Variants in KIAA1328 observed in about 807,000 individuals in gnomAD.
The protein encoded by KIAA1328 is KIAA1328.
A neutral mutation model predicts 68.1 loss-of-function variants in KIAA1328; 52 were observed. The observed-to-expected ratio is 0.76, with a 90% CI of 0.61 to 0.96. The LOEUF is 0.96. Ranked by LOEUF, KIAA1328 falls within the 40% of genes least tolerant of loss-of-function variation. The pLI is 0.00. For synonymous variants in KIAA1328, 232 were observed against 239.4 expected, an observed-to-expected ratio of 0.97 and a Z score of 0.28; for missense variants, 641 against 677.6, an observed-to-expected ratio of 0.95 and a Z score of 0.60.
At chr18:37,192,145 T>TTGTGTG (rs10667132) in intron 9 of KIAA1328, among the ~76,000 whole-genome samples, 17,721 of 144,554 alleles carry the variant, frequency 0.12, 1,074 homozygotes, top group African/African-American at 0.13. Context: ...AGTCAAGAAA[T>TTGTGTG]TGTGTGTGTG....
chr18:37,194,058 C>T (rs1432554896), intron 9 of KIAA1328, among the ~76,000 whole-genome samples: 1 of 152,166 alleles, frequency 6.6e-6, no homozygotes, highest in Admixed American at 6.5e-5. Flanking sequence ...TTTGTGATTG[C>T]AAACACTGCT....
At chr18:36,845,462 T>C (rs2046996165) in intron 4 of KIAA1328, among the ~76,000 whole-genome samples, 1 of 151,890 alleles carries the variant, frequency 6.6e-6, no homozygotes, top group East Asian at 1.9e-4. Flanking sequence ...TTAATGGTCC[T>C]ACGTTGCCAT....
At chr18:37,104,896 C>T (rs2057726963) in intron 7 of KIAA1328, among the ~76,000 whole-genome samples, 1 of 152,060 alleles carries the variant, frequency 6.6e-6, no homozygotes, top group Non-Finnish European at 1.5e-5. Flanking sequence ...TTACTAGAGC[C>T]ATTTTGGAGA....
chr18:37,109,751 G>A (rs914276383), intron 7 of KIAA1328, among the ~76,000 whole-genome samples: 3 of 152,098 alleles, frequency 2.0e-5, no homozygotes, highest in Admixed American at 1.3e-4. Context: ...CTCAGCCTTT[G>A]TTCTAACATA....
At chr18:37,052,521 A>G (rs946385720) in intron 6 of KIAA1328, among the ~76,000 whole-genome samples, 8 of 152,152 alleles carry the variant, frequency 5.3e-5, no homozygotes, top group African/African-American at 1.9e-4. Flanking sequence ...AATAAAAGAC[A>G]TCCAAACAGA....
intron 5 of KIAA1328, among the ~76,000 whole-genome samples, chr18:36,906,319 C>A (rs531955647): frequency 5.9e-4 from 90 of 152,120 alleles, no homozygotes; most frequent in Non-Finnish European, 8.1e-4. Flanking sequence ...TACCACCTTA[C>A]AATATATTCT....
At chr18:37,195,382 T>G (rs187146747) in intron 9 of KIAA1328, among the ~76,000 whole-genome samples, 1 of 152,326 alleles carries the variant, frequency 6.6e-6, no homozygotes, top group Non-Finnish European at 1.5e-5. Flanking sequence ...GCCCAAAAAA[T>G]TTTTACCCAA....
Position 37,160,152 on chromosome 18 carries a change from G to A in KIAA1328, c.1233-48G>A, listed in dbSNP as rs572314104. 129 of 1,497,678 alleles carry A rather than the reference G, an allele frequency of 8.6e-5. 1 individual carries two copies. Among genetic ancestry groups the A allele is most frequent in the South Asian group, 7.7e-4 (62 of 80,494 alleles). The allele number at this position is 1,497,678 out of a possible 1,614,324, so 92.8% of individuals were successfully genotyped here. On this transcript the variant is annotated intron_variant, in intron 7 of 9. Coordinates refer to ENST00000280020, the MANE Select transcript of KIAA1328 (RefSeq NM_020776.3). ...CTGAATTTAAATATCTATGTGCTCT[G>A]TGTTCCCTTCTGTGCCTTCAACAGT...
chr18:37,059,638 T>C (rs548085795), intron 6 of KIAA1328, among the ~76,000 whole-genome samples: 26 of 152,288 alleles, frequency 1.7e-4, no homozygotes, highest in Non-Finnish European at 3.2e-4. Flanking sequence ...TGGCGATTCC[T>C]CAAGGATCTA....
At chr18:36,851,984 T>C (rs1172136916) in intron 4 of KIAA1328, among the ~76,000 whole-genome samples, 2 of 152,162 alleles carry the variant, frequency 1.3e-5, no homozygotes, top group African/African-American at 4.8e-5. Context: ...GTTGTGTTTT[T>C]GTTTTCATTC....
intron 7 of KIAA1328, among the ~76,000 whole-genome samples, chr18:37,080,060 A>T: frequency 1.3e-5 from 2 of 152,292 alleles, no homozygotes; most frequent in South Asian, 4.2e-4. Context: ...ATGACCAGGA[A>T]GGTTCACAGT....
At chr18:37,146,790 T>C (rs1457523580) in intron 7 of KIAA1328, among the ~76,000 whole-genome samples, 1 of 152,216 alleles carries the variant, frequency 6.6e-6, no homozygotes, top group African/African-American at 2.4e-5. Flanking sequence ...GTAAGGCCTT[T>C]TTTATTGCTA....
Position 37,087,146 on chromosome 18 carries a change from AT to A in KIAA1328, c.1232+19602del, listed in dbSNP as rs1313661752. Among the ~76,000 whole-genome samples the A allele has an allele frequency of 5.9e-5, 9 of 152,066 alleles. No homozygotes were observed. The East Asian group carries it at 1.7e-3, about 29-fold the overall frequency. ...ACAATCACAGCTCATTGCATTCTTG[AT>A]CTCCTGGGCTCAGTGATCCTCCCCA... is the stretch of plus-strand genomic sequence containing the variant. On this transcript the variant is annotated intron_variant, in intron 7 of 9. Coordinates refer to ENST00000280020, the MANE Select transcript of KIAA1328 (RefSeq NM_020776.3).
intron 6 of KIAA1328, among the ~76,000 whole-genome samples, chr18:37,030,629 A>G (rs1246211242): frequency 1.3e-5 from 2 of 152,122 alleles, no homozygotes; most frequent in Non-Finnish European, 2.9e-5. Context: ...ATAATCAGCA[A>G]TTATTGGATA....
At chr18:37,150,892 C>T (rs909864877) in intron 7 of KIAA1328, among the ~76,000 whole-genome samples, 1 of 152,002 alleles carries the variant, frequency 6.6e-6, no homozygotes, top group African/African-American at 2.4e-5. Context: ...ATAACAAACA[C>T]TTTTAGGAAC....
At position 37,162,153 on chromosome 18, in the gene KIAA1328, C is replaced by T. The variant is rs893412683; in HGVS notation, c.1414+1772C>T. 3.9e-5 allele frequency among the ~76,000 whole-genome samples: 6 copies of T among 152,112 alleles called. No individual in the cohort carries two copies. The South Asian group carries it at 1.0e-3, about 26-fold the overall frequency. On this transcript the variant is annotated intron_variant, in intron 8 of 9. Transcript: ENST00000280020. Reference sequence around the variant, plus strand: ...AATGTTGCTATACCAATCAATTTAACCAAGAGAAAGCTGTTACAATTCTGC... The same window carrying T: ...AATGTTGCTATACCAATCAATTTAATCAAGAGAAAGCTGTTACAATTCTGC...
intron 1 of KIAA1328, among the ~76,000 whole-genome samples, chr18:36,833,550 A>G (rs893782135): frequency 2.0e-5 from 3 of 152,358 alleles, no homozygotes; most frequent in Non-Finnish European, 4.4e-5. Context: ...TAGAAATGAC[A>G]TAACTATTAA....
chr18:37,063,629 A>G, intron 6 of KIAA1328: 1 of 985,308 alleles, frequency 1.0e-6, no homozygotes, highest in Non-Finnish European at 1.2e-6. Context: ...ACAGTAACCA[A>G]GCAGGTAATT....
intron 6 of KIAA1328, among the ~76,000 whole-genome samples, chr18:36,976,719 A>G (rs758907105): frequency 6.6e-6 from 1 of 152,040 alleles, no homozygotes; most frequent in Non-Finnish European, 1.5e-5. Context: ...TACATTGTTT[A>G]TTTTCTCAAA....
Sources: gnomAD v4.1 joint callset for allele counts (sites outside exome capture counted in the v4.1 genomes callset) on GRCh38, gnomAD v4.1.1 for gene constraint, MANE v1.5 for transcripts, NCBI Gene and HGNC (gene_info 2026-07-23, HGNC 2026-07-21) for gene names.